Variants in CEP164 observed in about 807,000 individuals in gnomAD.
CEP164 encodes the protein centrosomal protein 164.
CEP164 carries 162 observed loss-of-function variants against 182.7 expected under a neutral mutation model. That is an observed-to-expected ratio of 0.89 (90% confidence interval 0.78 to 1.01). The LOEUF (loss-of-function observed/expected upper bound fraction) is 1.01. Ranked by LOEUF, CEP164 falls within the 50% of genes least tolerant of loss-of-function variation. The pLI is 0.00. For synonymous variants in CEP164, 661 were observed against 690.0 expected (o/e 0.96, Z 0.66); for missense variants, 1,735 against 1,790.4 (o/e 0.97, Z 0.56).
intron 8 of CEP164, among the ~76,000 whole-genome samples, chr11:117,364,308 A>C (rs993847592): frequency 6.6e-6 from 1 of 152,224 alleles, no homozygotes; most frequent in Admixed American, 6.5e-5. Context: ...CCTTAACATC[A>C]AACAAGTCAC....
At chr11:117,330,516 G>T (rs1460208302) in intron 1 of CEP164, among the ~76,000 whole-genome samples, 1 of 152,232 alleles carries the variant, frequency 6.6e-6, no homozygotes, top group Non-Finnish European at 1.5e-5. Context: ...GGGCGTGGTG[G>T]CAGGCGCCTG....
At chr11:117,358,948 C>T (rs892803635) in intron 5 of CEP164, among the ~76,000 whole-genome samples, 4 of 142,930 alleles carry the variant, frequency 2.8e-5, no homozygotes, top group Non-Finnish European at 4.6e-5. Context: ...GGGCAGGGTT[C>T]TTTTTTTTTT....
chr11:117,374,068 A>G (rs1179416519), intron 10 of CEP164, among the ~76,000 whole-genome samples: 1 of 152,058 alleles, frequency 6.6e-6, no homozygotes, highest in Non-Finnish European at 1.5e-5. Context: ...GCATATAAAC[A>G]TTAATAATAT....
At chr11:117,362,101 C>G in intron 6 of CEP164, 108 bp downstream of exon 6, 4 of 1,097,954 alleles carry the variant, frequency 3.6e-6, no homozygotes, top group Non-Finnish European at 5.2e-6. Flanking sequence ...TCGGTGGAGT[C>G]CTCAGAGTTC....
rs779014714 is a variant in CEP164, at chr11:117,397,148, T to C, written c.3336T>C (p.Ser1112=). The change falls in exon 27 of 33, where the codon AGT becomes AGC. Residue 1112 remains serine (S), a synonymous_variant. Coordinates refer to ENST00000278935, the MANE Select transcript of CEP164 (RefSeq NM_014956.5). ...CTGCTGAGGGGGTAGCCCTCCGTAG[T>C]GCCAAGGAGTTCCTTGTGCAGCAGA... ...LLSAEGVALR[S]AKEFLVQQTR... 5.6e-6 allele frequency: 9 copies of C among 1,614,116 alleles called. No homozygotes were observed. In the African/African-American group the frequency reaches 9.3e-5, roughly 17 times the overall value.
upstream of CEP164, among the ~76,000 whole-genome samples, chr11:117,325,285 A>C (rs776840879): frequency 6.6e-6 from 1 of 151,922 alleles, no homozygotes; most frequent in Non-Finnish European, 1.5e-5. Flanking sequence ...GGGTTTTGCC[A>C]TGTTGGCCAG....
chr11:117,385,199 C>T (rs1008132423), intron 14 of CEP164: 1 of 152,234 alleles, frequency 6.6e-6, no homozygotes, highest in Admixed American at 6.5e-5. Context: ...GGTGGCCAGC[C>T]TGAAATGATT....
At chr11:117,342,493 T>C (rs549762539) in intron 3 of CEP164, among the ~76,000 whole-genome samples, 1 of 152,178 alleles carries the variant, frequency 6.6e-6, no homozygotes, top group Non-Finnish European at 1.5e-5. Context: ...TCTTTTTTTT[T>C]TGGACAGGAT....
Position 117,411,694 on chromosome 11 carries a change from GAGAA to G in CEP164, c.4164-97_4164-94del, listed in dbSNP as rs2047370003. On this transcript the variant is annotated intron_variant, in intron 31 of 32. Transcript: ENST00000278935. The surrounding 1 kb of genome is among the most constrained non-coding windows in gnomAD (Gnocchi z 4.4). ...TCGGAGAAGCTGCTCTGGTAGCTGA[GAGAA>G]AGAGGGAGGAGGTGACAGATGTGAT... is the stretch of plus-strand genomic sequence containing the variant. 6.6e-7 allele frequency: 1 copy of G among 1,511,922 alleles called. No homozygotes were observed. The highest frequency in any genetic ancestry group is 9.0e-7 in the Non-Finnish European group (1 of 1,111,580). The allele number at this position is 1,511,922 out of a possible 1,614,324, so 93.7% of individuals were successfully genotyped here. A position where few individuals can be genotyped will look rare whatever the true frequency, so the allele number is the denominator to read the frequency against.
intron 11 of CEP164, among the ~76,000 whole-genome samples, chr11:117,376,091 A>G (rs1030019655): frequency 6.6e-6 from 1 of 152,082 alleles, no homozygotes; most frequent in African/African-American, 2.4e-5. Context: ...ATTTCAAGGC[A>G]CTTCCCATCC....
intron 5 of CEP164, among the ~76,000 whole-genome samples, chr11:117,361,401 C>T (rs191252356): frequency 2.6e-4 from 40 of 151,258 alleles, no homozygotes; most frequent in East Asian, 5.8e-4. Context: ...CCACCACGCC[C>T]GGCTAATTTT....
Position 117,407,990 on chromosome 11 carries a change from A to T in CEP164, c.3567A>T (p.Lys1189Asn). 6.2e-7 allele frequency: 1 copy of T among 1,601,314 alleles called. No individual in the cohort carries two copies. Among genetic ancestry groups the T allele is most frequent in the African/African-American group, 1.3e-5 (1 of 74,928 alleles). The part of the protein sequence containing the change: ...MRKGHNLLKK[K>N]EEKLNQLESS... The stretch of plus-strand genomic sequence containing the variant: ...AAGGCCACAACCTGCTGAAGAAGAA[A>T]GAGGAGAAGCTGAATCAGTTGGAGT... The change falls in exon 28 of 33, where the codon AAA becomes AAT. Residue 1189 changes from lysine to asparagine, a missense_variant. Transcript: ENST00000278935.
At chr11:117,407,868 G>T in intron 27 of CEP164, 57 bp from the exon 28 acceptor site, 2 of 1,297,700 alleles carry the variant, frequency 1.5e-6, no homozygotes, top group Non-Finnish European at 2.2e-6. Context: ...TGGCAGGGTT[G>T]GGACTCCAGC....
At chr11:117,382,675 G>C in intron 13 of CEP164, 121 bp from the exon 14 acceptor site, 1 of 1,199,008 alleles carries the variant, frequency 8.3e-7, no homozygotes, top group Non-Finnish European at 1.2e-6. Context: ...ACCCGAGGTA[G>C]GGAAATTGTT....
At position 117,342,238 on chromosome 11, in the gene CEP164, A is replaced by G. The variant is rs575836402; in HGVS notation, c.83-1928A>G. On this transcript the variant is annotated intron_variant, in intron 3 of 32. Coordinates refer to ENST00000278935, the MANE Select transcript of CEP164 (RefSeq NM_014956.5). ...AAAAATATTTGTGAAAAATGAATAA[A>G]TTAGTCTCTGGCCAATCAAGTTCCA... Among the ~76,000 whole-genome samples the G allele has an allele frequency of 2.5e-4, 38 of 152,298 alleles. 1 individual carries two copies. The highest frequency in any genetic ancestry group is 8.7e-4 in the African/African-American group (36 of 41,564).
chr11:117,387,095 GCC>G (rs2044049916), intron 14 of CEP164, 106 bp from the exon 15 acceptor site: 1 of 960,780 alleles, frequency 1.0e-6, no homozygotes, highest in Non-Finnish European at 1.6e-6. Flanking sequence ...CTGATTGTGG[GCC>G]CTCCATTAGG....
intron 27 of CEP164, among the ~76,000 whole-genome samples, chr11:117,405,983 T>G (rs1411680010): frequency 6.6e-6 from 1 of 152,224 alleles, no homozygotes; most frequent in African/African-American, 2.4e-5. Context: ...GGTTCCAAAC[T>G]TTCCCACATT....
intron 15 of CEP164, among the ~76,000 whole-genome samples, chr11:117,387,925 T>A (rs1259267553): frequency 6.6e-6 from 1 of 152,142 alleles, no homozygotes; most frequent in African/African-American, 2.4e-5. Context: ...ACTGGGAAGG[T>A]TGGAGCAATC....
At chr11:117,374,589 T>G (rs2042546107) in intron 10 of CEP164, among the ~76,000 whole-genome samples, 1 of 152,024 alleles carries the variant, frequency 6.6e-6, no homozygotes, top group Admixed American at 6.6e-5. Flanking sequence ...CTGCATTAAG[T>G]GAAGTAGAAC....
Sources: allele counts gnomAD v4.1 joint callset (sites outside exome capture counted in the v4.1 genomes callset), GRCh38; gene constraint gnomAD v4.1.1; non-coding constraint Gnocchi (gnomAD v3.1); transcripts MANE v1.5; gene names NCBI Gene and HGNC (gene_info 2026-07-23, HGNC 2026-07-21).